GNAI3: variants seen among roughly 807,000 people sequenced by gnomAD.
The protein encoded by GNAI3 is guanine nucleotide-binding protein G(i) subunit alpha-3.
GNAI3 carries 12 observed loss-of-function variants against 41.8 expected under a neutral mutation model. The observed-to-expected ratio is 0.29, with a 90% confidence interval of 0.18 to 0.47. The LOEUF is 0.47. Among genes scored for constraint, GNAI3 ranks in the 20% least tolerant of loss-of-function variants. The probability of loss-of-function intolerance (pLI) is 1.00; values close to 1 mark genes in which losing one functional copy is unlikely to be tolerated. For missense variants in GNAI3, 360 were observed against 429.6 expected (o/e 0.84, Z 1.43); for synonymous variants, 132 against 146.5 (o/e 0.90, Z 0.71).
rs760341589 is a variant in GNAI3 at position 109,599,713 on chromosome 1, T to A, written c.*7391T>A. ...ACTTAGTTATATTTTTGTGATTTTA[T>A]GCTGTTTTCATATTCTATTTTGAGA... On this transcript the variant is annotated 3_prime_UTR_variant, in exon 9 of 9. Transcript: ENST00000369851. The A allele has an allele frequency of 6.6e-6, 1 of 152,256 alleles. No homozygotes were observed. Among genetic ancestry groups the A allele is most frequent in the Non-Finnish European group, 1.5e-5 (1 of 68,044 alleles). 9.4% of individuals were successfully genotyped at this position (152,256 alleles called of 1,614,324 possible). A position where few individuals can be genotyped will look rare whatever the true frequency, so the allele number is the denominator to read the frequency against.
intron 1 of GNAI3, among the ~76,000 whole-genome samples, chr1:109,549,539 A>C (rs1477180085): frequency 6.6e-6 from 1 of 152,212 alleles, no homozygotes; most frequent in African/African-American, 2.4e-5. Flanking sequence ...GTTTTTACAA[A>C]AGGATGGGAA....
Position 109,582,496 on chromosome 1 carries a change from T to G in GNAI3, c.521T>G (p.Val174Gly). Residue 174 changes from valine to glycine, a missense_variant, in exon 5 of 9, where the codon GTT becomes GGT. By Grantham distance (109) the Val-to-Gly change is moderately radical. Coordinates refer to ENST00000369851, the MANE Select transcript of GNAI3 (RefSeq NM_006496.4). ...QSNYIPTQQD[V>G]LRTRVKTTGI... Reference sequence around the variant, plus strand: ...AACTACATTCCAACTCAGCAAGATGTTCTTCGGACGAGAGTGAAGACCACA... The same window carrying G: ...AACTACATTCCAACTCAGCAAGATGGTCTTCGGACGAGAGTGAAGACCACA... 1 of 1,595,766 alleles carries G rather than the reference T, an allele frequency of 6.3e-7. No homozygotes were observed.
chr1:109,550,522 C>T (rs1647954559), intron 1 of GNAI3, among the ~76,000 whole-genome samples: 1 of 151,548 alleles, frequency 6.6e-6, no homozygotes, highest in African/African-American at 2.4e-5. Flanking sequence ...TAAACTATAA[C>T]ATTCAGGGCG....
chr1:109,550,281 A>C (rs1647947448), intron 1 of GNAI3, among the ~76,000 whole-genome samples: 1 of 152,186 alleles, frequency 6.6e-6, no homozygotes, highest in Admixed American at 6.5e-5. Context: ...AGCTTTTTTG[A>C]ATATACTATA....
At chr1:109,576,215 C>A (rs1001012076) in intron 3 of GNAI3, among the ~76,000 whole-genome samples, 1 of 150,876 alleles carries the variant, frequency 6.6e-6, no homozygotes. Flanking sequence ...ATTACAGGCG[C>A]CTGCCACCAC....
chr1:109,561,987 T>C (rs1648323856), intron 1 of GNAI3, among the ~76,000 whole-genome samples: 1 of 152,158 alleles, frequency 6.6e-6, no homozygotes, highest in Non-Finnish European at 1.5e-5. Flanking sequence ...GAAGGGTTGG[T>C]ACAGGAAGAG....
Position 109,595,771 on chromosome 1 carries a change from A to C in GNAI3, c.*3449A>C, listed in dbSNP as rs571041149. ...TGTATTGCAGTCATATATAAGGTAA[A>C]GTCAGTCTCTTGTTCCTATTAAAAA... On this transcript the variant is annotated 3_prime_UTR_variant, in exon 9 of 9. Transcript: ENST00000369851. 5.3e-5 allele frequency: 8 copies of C among 152,092 alleles called. No individual in the cohort carries two copies. The South Asian group carries it at 8.3e-4, about 16-fold the overall frequency. 9.4% of individuals were successfully genotyped at this position (152,092 alleles called of 1,614,324 possible).
chr1:109,575,300 AT>A (rs1282235437), intron 3 of GNAI3, among the ~76,000 whole-genome samples: 3 of 148,706 alleles, frequency 2.0e-5, no homozygotes, highest in Non-Finnish European at 3.0e-5. Flanking sequence ...CTGTGGTCTT[AT>A]TTTTTCTTCC....
intron 1 of GNAI3, among the ~76,000 whole-genome samples, chr1:109,557,062 C>T (rs1406761790): frequency 6.6e-6 from 1 of 152,098 alleles, no homozygotes; most frequent in Non-Finnish European, 1.5e-5. Flanking sequence ...CAGCCTTCTG[C>T]GTAGCTGAGA....
At chr1:109,587,399 A>T (rs1649055666) in intron 7 of GNAI3, among the ~76,000 whole-genome samples, 1 of 152,250 alleles carries the variant, frequency 6.6e-6, no homozygotes, top group Non-Finnish European at 1.5e-5. Context: ...TAATTTTATT[A>T]TAGTGTAAAA....
chr1:109,592,000 A>G (rs765130773), intron 7 of GNAI3, 43 bp from the exon 8 acceptor site: 3 of 1,306,032 alleles, frequency 2.3e-6, no homozygotes, highest in East Asian at 4.6e-5. Flanking sequence ...GAGTTCAGGC[A>G]GCTGTTACAA....
intron 1 of GNAI3, among the ~76,000 whole-genome samples, chr1:109,569,599 A>G (rs1648540101): frequency 6.6e-6 from 1 of 152,216 alleles, no homozygotes; most frequent in African/African-American, 2.4e-5. Flanking sequence ...GTAAAAGTGA[A>G]GAGCCCAGAC....
chr1:109,576,726 T>C lies in GNAI3; in HGVS notation c.304-2478T>C, dbSNP rs1648758146. ...AGTAGAGACGGGGGTTTCTCCATGT[T>C]GGTCAGGTTGGTCTGGAACTCCTGA... On this transcript the variant is annotated intron_variant, in intron 3 of 8. Coordinates refer to ENST00000369851, the MANE Select transcript of GNAI3 (RefSeq NM_006496.4). 2.0e-5 allele frequency among the ~76,000 whole-genome samples: 3 copies of C among 152,078 alleles called. No homozygotes were observed. In the South Asian group the frequency reaches 6.2e-4, roughly 31 times the overall value.
Position 109,549,585 on chromosome 1 carries a change from T to C in GNAI3, c.118+747T>C, listed in dbSNP as rs1312777915. On this transcript the variant is annotated intron_variant, in intron 1 of 8. Transcript: ENST00000369851. ...CTGAAGAAATTTAAAGAATGATTTCTTTGAGGTTTGTAGCAGAAGATCTAG... is the reference window on the plus strand; with the variant it reads ...CTGAAGAAATTTAAAGAATGATTTCCTTGAGGTTTGTAGCAGAAGATCTAG... Among the ~76,000 whole-genome samples the C allele has an allele frequency of 2.0e-5, 3 of 152,238 alleles. No homozygotes were observed. The East Asian group carries it at 5.8e-4, about 29-fold the overall frequency.
chr1:109,564,421 T>A (rs145807326), intron 1 of GNAI3, among the ~76,000 whole-genome samples: 144 of 152,294 alleles, frequency 9.5e-4, no homozygotes, highest in African/African-American at 3.3e-3. Flanking sequence ...TCATTCTGTT[T>A]TCTCACTTAC....
chr1:109,587,490 G>A (rs1310052441), intron 7 of GNAI3, among the ~76,000 whole-genome samples: 1 of 152,160 alleles, frequency 6.6e-6, no homozygotes, highest in Non-Finnish European at 1.5e-5. Flanking sequence ...CTAAGAGGAT[G>A]AAATAGAAAT....
At chr1:109,591,588 TA>T (rs34049073) in intron 7 of GNAI3, 111,200 of 571,624 alleles carry the variant, frequency 0.19, 11,859 homozygotes, top group East Asian at 0.31. Context: ...GGGACTGTGC[TA>T]ATCTTCTCTG....
intron 7 of GNAI3, among the ~76,000 whole-genome samples, chr1:109,590,820 C>T (rs1241088794): frequency 6.6e-6 from 1 of 152,128 alleles, no homozygotes; most frequent in Non-Finnish European, 1.5e-5. Flanking sequence ...CCTGCTGCGG[C>T]CCCCAAAGTG....
intron 1 of GNAI3, among the ~76,000 whole-genome samples, chr1:109,571,296 T>G (rs1648590326): frequency 6.6e-6 from 1 of 152,214 alleles, no homozygotes; most frequent in Admixed American, 6.5e-5. Context: ...ATGGTTTAGA[T>G]ATATGAATCT....
Sources: allele counts gnomAD v4.1 joint callset (sites outside exome capture counted in the v4.1 genomes callset), GRCh38; gene constraint gnomAD v4.1.1; transcripts MANE v1.5; gene names NCBI Gene and HGNC (gene_info 2026-07-23, HGNC 2026-07-21).